CDH12: variants seen among roughly 807,000 people sequenced by gnomAD.
The protein encoded by CDH12 is cadherin 12.
Under a neutral mutation model 74.1 loss-of-function variants are expected in CDH12, and 41 were observed. The ratio of observed to expected loss-of-function variants is 0.55; its 90% confidence interval spans 0.43 to 0.72. The LOEUF is 0.72. Ranked by LOEUF, CDH12 falls within the 30% of genes least tolerant of loss-of-function variation. CDH12 has a pLI of 0.00. For missense variants in CDH12, 945 were observed against 977.2 expected (o/e 0.97, Z 0.44); for synonymous variants, 399 against 355.0 (o/e 1.12, Z -1.39).
intron 3 of CDH12, 111 bp downstream of exon 3, chr5:22,405,146 G>T: frequency 5.8e-6 from 1 of 171,502 alleles, no homozygotes; most frequent in Non-Finnish European, 1.2e-5. Flanking sequence ...GGAGGTGGAG[G>T]CTGCAGTGAG....
chr5:22,382,334 T>C (rs1211616417), intron 3 of CDH12, among the ~76,000 whole-genome samples: 1 of 150,144 alleles, frequency 6.7e-6, no homozygotes, highest in Non-Finnish European at 1.5e-5. Context: ...GAAAAATATA[T>C]ACATATATTT....
chr5:22,773,919 T>C (rs1266870244), intron 1 of CDH12, among the ~76,000 whole-genome samples: 2 of 151,940 alleles, frequency 1.3e-5, no homozygotes, highest in African/African-American at 4.8e-5. Context: ...GAAATGCAAA[T>C]CAAAACTACA....
At chr5:22,115,717 G>C (rs1336913316) in intron 4 of CDH12, among the ~76,000 whole-genome samples, 2 of 114,920 alleles carry the variant, frequency 1.7e-5, no homozygotes, top group Non-Finnish European at 1.7e-5. Flanking sequence ...TTTTGAGACA[G>C]ACTCTCGCCC....
chr5:22,746,593 C>T (rs1301359732), intron 1 of CDH12, among the ~76,000 whole-genome samples: 2 of 151,914 alleles, frequency 1.3e-5, no homozygotes, highest in African/African-American at 2.4e-5. Flanking sequence ...TCTGACAGTA[C>T]GTTTAGGATA....
At chr5:22,573,618 G>T (rs992560246) in intron 1 of CDH12, among the ~76,000 whole-genome samples, 4 of 152,138 alleles carry the variant, frequency 2.6e-5, no homozygotes, top group African/African-American at 9.6e-5. Flanking sequence ...AATTATTCAG[G>T]TCCATTTTAG....
At chr5:21,766,961 C>A (rs1745060178) in intron 11 of CDH12, among the ~76,000 whole-genome samples, 1 of 151,776 alleles carries the variant, frequency 6.6e-6, no homozygotes, top group African/African-American at 2.4e-5. Context: ...GTTTTGATTC[C>A]AGCTGTTCTG....
chr5:22,115,892 A>G (rs374486454), intron 4 of CDH12, among the ~76,000 whole-genome samples: 14 of 151,740 alleles, frequency 9.2e-5, no homozygotes, highest in African/African-American at 3.4e-4. Context: ...GGGTTTCACC[A>G]TGTTGGCCAG....
intron 3 of CDH12, among the ~76,000 whole-genome samples, chr5:22,304,003 C>T (rs996845362): frequency 1.3e-5 from 2 of 152,014 alleles, no homozygotes; most frequent in Non-Finnish European, 2.9e-5. Context: ...ATAACAACCC[C>T]AAAAGTATTC....
intron 5 of CDH12, among the ~76,000 whole-genome samples, chr5:21,992,557 G>T (rs1757797169): frequency 6.6e-6 from 1 of 151,896 alleles, no homozygotes; most frequent in Non-Finnish European, 1.5e-5. Context: ...AATTATGTGT[G>T]TGCATACGTG....
chr5:22,777,836 T>C (rs560812681), intron 1 of CDH12, among the ~76,000 whole-genome samples: 4 of 152,124 alleles, frequency 2.6e-5, no homozygotes, highest in Non-Finnish European at 5.9e-5. Flanking sequence ...TTTTTTGAGA[T>C]GGAGTCTCGC....
intron 3 of CDH12, among the ~76,000 whole-genome samples, chr5:22,404,144 CTAAGTCA>C (rs1300986095): frequency 6.6e-6 from 1 of 151,844 alleles, no homozygotes; most frequent in East Asian, 1.9e-4. Flanking sequence ...TTAGGAAGCT[CTAAGTCA>C]ATTGCCTTAA....
intron 3 of CDH12, among the ~76,000 whole-genome samples, chr5:22,318,624 T>C (rs1268780069): frequency 6.6e-6 from 1 of 152,212 alleles, no homozygotes; most frequent in Non-Finnish European, 1.5e-5. Context: ...AAGCTGTACC[T>C]GAAGCCATTG....
At chr5:22,184,585 C>T (rs1480121342) in intron 4 of CDH12, among the ~76,000 whole-genome samples, 3 of 152,100 alleles carry the variant, frequency 2.0e-5, no homozygotes, top group African/African-American at 7.2e-5. Flanking sequence ...TGTATATGCA[C>T]GACAATGAAC....
At chr5:22,483,329 T>C (rs1382857732) in intron 2 of CDH12, among the ~76,000 whole-genome samples, 1 of 152,084 alleles carries the variant, frequency 6.6e-6, no homozygotes, top group African/African-American at 2.4e-5. Context: ...CTACAATATA[T>C]ATGAACACAT....
chr5:22,702,189 T>C (rs1309242562), intron 1 of CDH12, among the ~76,000 whole-genome samples: 1 of 152,148 alleles, frequency 6.6e-6, no homozygotes, highest in African/African-American at 2.4e-5. Flanking sequence ...ACTCATTGTG[T>C]ATTGAATATT....
chr5:22,802,493 T>A (rs1220706721), intron 1 of CDH12, among the ~76,000 whole-genome samples: 1 of 152,148 alleles, frequency 6.6e-6, no homozygotes, highest in African/African-American at 2.4e-5. Flanking sequence ...TAATTAGACT[T>A]CTGTTTGTTG....
chr5:22,251,693 A>G (rs999064867), intron 3 of CDH12, among the ~76,000 whole-genome samples: 18 of 152,130 alleles, frequency 1.2e-4, no homozygotes, highest in Non-Finnish European at 1.6e-4. Context: ...AAATAGAAGA[A>G]AATAATTATA....
intron 6 of CDH12, among the ~76,000 whole-genome samples, chr5:21,932,200 T>A (rs1189135976): frequency 6.6e-6 from 1 of 152,190 alleles, no homozygotes; most frequent in African/African-American, 2.4e-5. Flanking sequence ...AAATATAATA[T>A]GCACCAGTAA....
chr5:22,469,404 T>C (rs912903524), intron 2 of CDH12, among the ~76,000 whole-genome samples: 1 of 152,194 alleles, frequency 6.6e-6, no homozygotes, highest in Non-Finnish European at 1.5e-5. Flanking sequence ...TCTCCTTCTC[T>C]TGTAGAAAGC....
Sources: allele counts gnomAD v4.1 joint callset (sites outside exome capture counted in the v4.1 genomes callset), GRCh38; gene constraint gnomAD v4.1.1; transcripts MANE v1.5; gene names NCBI Gene and HGNC (gene_info 2026-07-23, HGNC 2026-07-21).